Variants in CAST observed in about 807,000 individuals in gnomAD.
CAST encodes the protein MIR583 host.
CAST carries 76 observed loss-of-function variants against 119.6 expected under a neutral mutation model. The ratio of observed to expected loss-of-function variants is 0.64; its 90% CI spans 0.53 to 0.77. The LOEUF (loss-of-function observed/expected upper bound fraction) is 0.77. Among genes scored for constraint, CAST ranks in the 30% least tolerant of loss-of-function variants. The pLI is 0.00. For synonymous variants in CAST, 319 were observed against 331.6 expected (o/e 0.96, Z 0.41); for missense variants, 953 against 946.5 (o/e 1.01, Z -0.09).
the CAST span, among the ~76,000 whole-genome samples, chr5:96,316,426 G>A: frequency 6.6e-6 from 1 of 152,296 alleles, no homozygotes; most frequent in East Asian, 1.9e-4. Flanking sequence ...GAGAAAGATT[G>A]TGAGGTATGT....
chr5:96,479,769 A>G, the CAST span, among the ~76,000 whole-genome samples: 1 of 152,092 alleles, frequency 6.6e-6, no homozygotes, highest in Non-Finnish European at 1.5e-5. Flanking sequence ...AGAGTAGATA[A>G]TGTCCCTTGC....
the CAST span, among the ~76,000 whole-genome samples, chr5:96,158,015 A>AT: frequency 6.6e-6 from 1 of 152,272 alleles, no homozygotes; most frequent in African/African-American, 2.4e-5. Context: ...GAAACAAACT[A>AT]CAGCTCTTGG....
chr5:96,270,607 C>T, the CAST span, among the ~76,000 whole-genome samples: 2 of 152,208 alleles, frequency 1.3e-5, no homozygotes, highest in South Asian at 2.1e-4. Context: ...AACACAGGAA[C>T]AGAAAACCAA....
the CAST span, among the ~76,000 whole-genome samples, chr5:96,507,069 G>A: frequency 6.6e-6 from 1 of 152,164 alleles, no homozygotes; most frequent in African/African-American, 2.4e-5. Flanking sequence ...TGAGGGTGGG[G>A]TGAGGGTGGA....
chr5:96,656,099 A>T (rs1274223241), intron 1 of CAST, among the ~76,000 whole-genome samples: 4 of 152,254 alleles, frequency 2.6e-5, no homozygotes, highest in Non-Finnish European at 4.4e-5. Context: ...ATAGATAATG[A>T]AGAATTGTTC....
At chr5:96,627,249 G>A (rs1563803) in intron 1 of CAST, among the ~76,000 whole-genome samples, 3 of 120,870 alleles carry the variant, frequency 2.5e-5, no homozygotes, top group Non-Finnish European at 5.5e-5. Flanking sequence ...TAACAGGCAA[G>A]ATGAGAACAA....
intron 1 of CAST, among the ~76,000 whole-genome samples, chr5:96,557,894 C>G (rs1288507755): frequency 6.6e-6 from 1 of 152,106 alleles, no homozygotes; most frequent in Non-Finnish European, 1.5e-5. Context: ...CAAATCAACA[C>G]ACTATACATT....
chr5:96,093,925 G>T, the CAST span, among the ~76,000 whole-genome samples: 32 of 152,282 alleles, frequency 2.1e-4, no homozygotes, highest in African/African-American at 7.2e-4. Context: ...TCCCTGCAAA[G>T]ATTAGAGTTT....
intron 6 of CAST, among the ~76,000 whole-genome samples, chr5:96,728,110 G>A (rs901308007): frequency 6.6e-6 from 1 of 152,140 alleles, no homozygotes; most frequent in Admixed American, 6.5e-5. Context: ...GGTTGTGTAC[G>A]GCAGCACAAA....
intron 1 of CAST, among the ~76,000 whole-genome samples, chr5:96,609,489 G>A (rs558407375): frequency 6.6e-6 from 1 of 152,158 alleles, no homozygotes; most frequent in Non-Finnish European, 1.5e-5. Context: ...GTATGTCTGA[G>A]GTGGGGTCTG....
the CAST span, among the ~76,000 whole-genome samples, chr5:96,344,276 T>A: frequency 1.3e-5 from 2 of 152,200 alleles, no homozygotes; most frequent in South Asian, 2.1e-4. Context: ...GAATCAAGGA[T>A]TATTCTCTTA....
chr5:96,474,283 C>A, the CAST span, among the ~76,000 whole-genome samples: 1 of 152,112 alleles, frequency 6.6e-6, no homozygotes, highest in Non-Finnish European at 1.5e-5. Context: ...TAAGCACTGA[C>A]CCCGCTTGCA....
chr5:96,707,113 T>G, intron 3 of CAST, among the ~76,000 whole-genome samples: 1 of 152,190 alleles, frequency 6.6e-6, no homozygotes, highest in East Asian at 1.9e-4. Context: ...TCAATCTAGT[T>G]TCTAATTTCA....
the CAST span, among the ~76,000 whole-genome samples, chr5:96,076,529 A>T: frequency 6.6e-6 from 1 of 152,198 alleles, no homozygotes; most frequent in African/African-American, 2.4e-5. Flanking sequence ...GCTTAAAGCA[A>T]ATATTTTAGT....
chr5:96,657,863 G>A (rs1345214432), upstream of CAST, among the ~76,000 whole-genome samples: 4 of 152,154 alleles, frequency 2.6e-5, no homozygotes, highest in South Asian at 2.1e-4. Flanking sequence ...TTGGGAGGCC[G>A]AGGCGAGTGG....
the CAST span, among the ~76,000 whole-genome samples, chr5:96,431,113 C>T: frequency 1.3e-5 from 2 of 152,182 alleles, no homozygotes; most frequent in Admixed American, 1.3e-4. Flanking sequence ...TGTCCACCCC[C>T]ATAGGTCATA....
chr5:96,110,804 C>T, the CAST span: 1 of 152,114 alleles, frequency 6.6e-6, no homozygotes, highest in African/African-American at 2.4e-5. Flanking sequence ...CTCCAGAGCA[C>T]AATCAGATGA....
chr5:96,160,840 A>T, the CAST span, among the ~76,000 whole-genome samples: 27 of 152,200 alleles, frequency 1.8e-4, no homozygotes, highest in East Asian at 4.2e-3. Flanking sequence ...TGTGGGTTAG[A>T]TTGGTATTTC....
chr5:96,334,597 T>G, the CAST span, among the ~76,000 whole-genome samples: 1 of 152,180 alleles, frequency 6.6e-6, no homozygotes, highest in Non-Finnish European at 1.5e-5. Flanking sequence ...GTCCTGTCAC[T>G]CACTTCCTTC....
Sources: allele counts gnomAD v4.1 joint callset (sites outside exome capture counted in the v4.1 genomes callset), GRCh38; gene constraint gnomAD v4.1.1; transcripts MANE v1.5; gene names NCBI Gene and HGNC (gene_info 2026-07-23, HGNC 2026-07-21).